NOS1AP: variants seen among roughly 807,000 people sequenced by gnomAD.
NOS1AP encodes nitric oxide synthase 1 adaptor protein.
A neutral mutation model predicts 56.2 loss-of-function variants in NOS1AP; 21 were observed. That is an observed-to-expected ratio of 0.37 (90% confidence interval 0.26 to 0.54). The LOEUF is 0.54. NOS1AP is among the 20% of genes least tolerant of loss of function. The pLI, the probability that NOS1AP is intolerant of heterozygous loss-of-function variation, is 0.84. For missense variants in NOS1AP, 522 were observed against 657.8 expected, an observed-to-expected ratio of 0.79 and a Z score of 2.26; for synonymous variants, 270 against 274.6, an observed-to-expected ratio of 0.98 and a Z score of 0.17.
chr1:162,076,407 G>A (rs544568746), intron 1 of NOS1AP, among the ~76,000 whole-genome samples: 1 of 152,248 alleles, frequency 6.6e-6, no homozygotes, highest in South Asian at 2.1e-4. Flanking sequence ...AAGTTGGATT[G>A]GCTTTTTACT....
chr1:162,162,784 G>T (rs1274542811), intron 2 of NOS1AP, among the ~76,000 whole-genome samples: 1 of 151,954 alleles, frequency 6.6e-6, no homozygotes, highest in Non-Finnish European at 1.5e-5. Flanking sequence ...ACGCTTCTTT[G>T]GGTAACAGCT....
At chr1:162,143,636 A>G (rs1206491199) in intron 1 of NOS1AP, among the ~76,000 whole-genome samples, 1 of 151,782 alleles carries the variant, frequency 6.6e-6, no homozygotes, top group Non-Finnish European at 1.5e-5. Flanking sequence ...TTTCATTTTT[A>G]TTTTTTATAG....
chr1:162,155,848 A>G (rs1649951420), intron 2 of NOS1AP, among the ~76,000 whole-genome samples: 1 of 152,238 alleles, frequency 6.6e-6, no homozygotes. Flanking sequence ...TTGGCATTAG[A>G]GATGGCATGA....
At chr1:162,074,302 G>T (rs1209910549) in intron 1 of NOS1AP, among the ~76,000 whole-genome samples, 1 of 152,154 alleles carries the variant, frequency 6.6e-6, no homozygotes, top group Non-Finnish European at 1.5e-5. Flanking sequence ...CAGGGCTTTT[G>T]ACTCCAGGTC....
At chr1:162,274,859 C>T (rs1654689076) in intron 2 of NOS1AP, among the ~76,000 whole-genome samples, 1 of 152,220 alleles carries the variant, frequency 6.6e-6, no homozygotes, top group Non-Finnish European at 1.5e-5. Context: ...TTCAATATAT[C>T]CCCTTTAATC....
In NOS1AP at chr1:162,365,400, G is replaced by A; in HGVS notation, c.940-4G>A. 2 of 1,614,122 alleles carry A rather than the reference G, an allele frequency of 1.2e-6. No individual in the cohort carries two copies. The highest frequency in any genetic ancestry group is 1.7e-6 in the Non-Finnish European group (2 of 1,180,038). ...TCTTCTCTGCCGCTGCCTCTTCTCT[G>A]CAGGTACACTTGCTGAAGGACCAGT... On this transcript the variant is annotated splice_region_variant and splice_polypyrimidine_tract_variant and intron_variant, in intron 8 of 9. Coordinates refer to ENST00000361897, the MANE Select transcript of NOS1AP (RefSeq NM_014697.3).
At chr1:162,071,011 G>A (rs1691649169) in intron 1 of NOS1AP, among the ~76,000 whole-genome samples, 1 of 152,124 alleles carries the variant, frequency 6.6e-6, no homozygotes, top group South Asian at 2.1e-4. Context: ...AGAAGCCTCG[G>A]CCCTGGACCA....
chr1:162,295,803 G>A (rs1224592356), intron 3 of NOS1AP, among the ~76,000 whole-genome samples: 2 of 152,192 alleles, frequency 1.3e-5, no homozygotes, highest in Non-Finnish European at 2.9e-5. Context: ...AGTGGAGTCA[G>A]CACTAGTCCA....
At chr1:162,302,071 G>T (rs560177444) in intron 4 of NOS1AP, among the ~76,000 whole-genome samples, 1 of 152,322 alleles carries the variant, frequency 6.6e-6, no homozygotes, top group East Asian at 1.9e-4. Flanking sequence ...GTATAAGATA[G>T]TATGTCTGAC....
At chr1:162,366,069 G>T (rs1658075865) in intron 9 of NOS1AP, among the ~76,000 whole-genome samples, 1 of 152,154 alleles carries the variant, frequency 6.6e-6, no homozygotes, top group Admixed American at 6.5e-5. Context: ...TAAGGCAGTG[G>T]AATCTGGCTG....
At chr1:162,126,535 C>G (rs528524881) in intron 1 of NOS1AP, among the ~76,000 whole-genome samples, 6 of 146,244 alleles carry the variant, frequency 4.1e-5, no homozygotes, top group Admixed American at 6.8e-5. Context: ...TTTTTTTTCT[C>G]TCTGTAATTT....
intron 2 of NOS1AP, among the ~76,000 whole-genome samples, chr1:162,199,223 A>G (rs1291126216): frequency 1.3e-5 from 2 of 152,076 alleles, no homozygotes; most frequent in Non-Finnish European, 2.9e-5. Context: ...AGGAGACTGG[A>G]TGGAGGTTTT....
At chr1:162,088,986 TCCA>T (rs1692067877) in intron 1 of NOS1AP, among the ~76,000 whole-genome samples, 1 of 152,174 alleles carries the variant, frequency 6.6e-6, no homozygotes, top group Admixed American at 6.5e-5. Context: ...TCATCTCTCT[TCCA>T]CTCCTTGTGT....
At chr1:162,162,945 C>G (rs1650297534) in intron 2 of NOS1AP, among the ~76,000 whole-genome samples, 1 of 152,192 alleles carries the variant, frequency 6.6e-6, no homozygotes, top group South Asian at 2.1e-4. Flanking sequence ...CTCTATACCT[C>G]TAATCCATCA....
At chr1:162,356,917 G>C (rs781055581) in intron 7 of NOS1AP, 43 bp from the exon 8 acceptor site, 2 of 1,613,132 alleles carry the variant, frequency 1.2e-6, no homozygotes, top group Non-Finnish European at 1.7e-6. Context: ...CCTCAAGATG[G>C]CTCCTGCCAC....
At position 162,347,583 on chromosome 1, in the gene NOS1AP, T is replaced by C. The variant is rs575155786; in HGVS notation, c.595+3607T>C. On this transcript the variant is annotated intron_variant, in intron 6 of 9. Coordinates refer to ENST00000361897, the MANE Select transcript of NOS1AP (RefSeq NM_014697.3). Reference sequence around the variant, plus strand: ...GGAGAGAACCACCTGGATAGCATTTTATGTAAACAACACCAAGGGCTAGAT... The same window carrying C: ...GGAGAGAACCACCTGGATAGCATTTCATGTAAACAACACCAAGGGCTAGAT... Among the ~76,000 whole-genome samples the C allele has an allele frequency of 3.9e-5, 6 of 152,176 alleles. No individual in the cohort carries two copies. In the South Asian group the frequency reaches 1.2e-3, roughly 32 times the overall value.
intron 1 of NOS1AP, among the ~76,000 whole-genome samples, chr1:162,092,853 T>C (rs1204631080): frequency 6.6e-6 from 1 of 152,192 alleles, no homozygotes; most frequent in Non-Finnish European, 1.5e-5. Context: ...CTTATTCTTC[T>C]TTAGTACCAT....
chr1:162,356,764 T>C (rs1280565551), intron 7 of NOS1AP, among the ~76,000 whole-genome samples, 196 bp from the exon 8 acceptor site: 1 of 152,244 alleles, frequency 6.6e-6, no homozygotes, highest in Non-Finnish European at 1.5e-5. Context: ...ATTTTCTGAC[T>C]GTGTGGTATC....
rs1691618306 is a variant in NOS1AP, at chr1:162,069,753, G to A, written c.-425G>A. The A allele has an allele frequency of 6.5e-6, 1 of 154,266 alleles. No homozygotes were observed. Among genetic ancestry groups the A allele is most frequent in the Non-Finnish European group, 1.4e-5 (1 of 69,982 alleles). 9.6% of individuals were successfully genotyped at this position (154,266 alleles called of 1,614,324 possible). ...TCCGTGACAGGCACCCTGCTCCGCC[G>A]CCACCGCCACCGCCACCGCCACCGT... On this transcript the variant is annotated 5_prime_UTR_variant, in exon 1 of 10. Coordinates refer to ENST00000361897, the MANE Select transcript of NOS1AP (RefSeq NM_014697.3).
Sources: allele counts gnomAD v4.1 joint callset (sites outside exome capture counted in the v4.1 genomes callset), GRCh38; gene constraint gnomAD v4.1.1; transcripts MANE v1.5; gene names NCBI Gene and HGNC (gene_info 2026-07-23, HGNC 2026-07-21).